Variants in CALN1 observed in about 807,000 individuals in gnomAD.
The protein encoded by CALN1 is calcium-binding protein 8.
Under a neutral mutation model 30.6 loss-of-function variants are expected in CALN1, and 17 were observed. The observed-to-expected ratio is 0.56, with a 90% CI of 0.38 to 0.83. The LOEUF (loss-of-function observed/expected upper bound fraction) is 0.83. CALN1 is among the 40% of genes least tolerant of loss of function. The pLI is 0.00. For synonymous variants in CALN1, 156 were observed against 131.4 expected (o/e 1.19, Z -1.28); for missense variants, 291 against 354.9 (o/e 0.82, Z 1.45).
chr7:72,119,668 C>A (rs1393495448), intron 3 of CALN1, among the ~76,000 whole-genome samples: 1 of 152,050 alleles, frequency 6.6e-6, no homozygotes, highest in Admixed American at 6.6e-5. Flanking sequence ...GCCTTACAGT[C>A]ATGGTGGAAG....
At chr7:72,201,659 G>A (rs1329809596) in intron 3 of CALN1, among the ~76,000 whole-genome samples, 1 of 147,372 alleles carries the variant, frequency 6.8e-6, no homozygotes, top group African/African-American at 2.5e-5. Flanking sequence ...CTGGGTGACA[G>A]ATCAATTGTA....
chr7:71,831,336 CG>C (rs1180961505), intron 5 of CALN1, among the ~76,000 whole-genome samples: 1 of 151,948 alleles, frequency 6.6e-6, no homozygotes, highest in East Asian at 1.9e-4. Flanking sequence ...AAAAATTAGC[CG>C]GGTGCAGTGG....
chr7:72,066,975 G>A (rs1804066411), intron 4 of CALN1, among the ~76,000 whole-genome samples: 1 of 150,678 alleles, frequency 6.6e-6, no homozygotes, highest in Admixed American at 6.6e-5. Context: ...TTTTAGTAGA[G>A]ATGGGGTTTT....
intron 3 of CALN1, among the ~76,000 whole-genome samples, chr7:72,257,196 G>C (rs997921714): frequency 1.3e-5 from 2 of 152,176 alleles, no homozygotes; most frequent in Non-Finnish European, 2.9e-5. Flanking sequence ...TCACTACCAT[G>C]AGAACAGCAT....
Position 72,278,827 on chromosome 7 carries a change from AG to A in CALN1, c.120-18del. 6 of 1,594,654 alleles carry A rather than the reference AG, an allele frequency of 3.8e-6. No individual in the cohort carries two copies. Among genetic ancestry groups the A allele is most frequent in the Non-Finnish European group, 5.2e-6 (6 of 1,163,682 alleles). On this transcript the variant is annotated intron_variant, in intron 2 of 6. Transcript: ENST00000395275. ...ATCTTTTCCCTGCCCAAGAGAGAAC[AG>A]GGGAGGGGAAAAGAAAGACATCATC...
At chr7:71,927,304 G>A (rs1795319048) in intron 5 of CALN1, among the ~76,000 whole-genome samples, 1 of 152,056 alleles carries the variant, frequency 6.6e-6, no homozygotes, top group Admixed American at 6.6e-5. Context: ...CTGCCTCCTG[G>A]ACTCAAGTGA....
intron 2 of CALN1, among the ~76,000 whole-genome samples, chr7:72,348,032 G>A (rs915367880): frequency 1.3e-5 from 2 of 152,118 alleles, no homozygotes; most frequent in Non-Finnish European, 1.5e-5. Context: ...TTGGGAGGCT[G>A]AGGCAAGAAA....
chr7:72,160,001 C>A (rs1050685362), intron 3 of CALN1, among the ~76,000 whole-genome samples: 1 of 152,078 alleles, frequency 6.6e-6, no homozygotes, highest in Non-Finnish European at 1.5e-5. Context: ...GGTTCCCTTG[C>A]GACTTCCAAA....
chr7:72,107,721 C>T (rs945954613), intron 3 of CALN1, among the ~76,000 whole-genome samples: 4 of 152,190 alleles, frequency 2.6e-5, no homozygotes, highest in Non-Finnish European at 5.9e-5. Context: ...ATGTCAGCTG[C>T]CATTATTCAC....
At chr7:71,894,296 C>T (rs1016618850) in intron 5 of CALN1, among the ~76,000 whole-genome samples, 1 of 152,118 alleles carries the variant, frequency 6.6e-6, no homozygotes, top group Non-Finnish European at 1.5e-5. Context: ...TTCCTTCTAT[C>T]CCCACTCAAC....
chr7:72,322,751 G>A lies in CALN1; in HGVS notation c.120-43941C>T, dbSNP rs550236099. ...ATGAATAATACCCTAGTACTTGCTA[G>A]GACAACAGGGTAACTATAGTCAAAA... is the stretch of plus-strand genomic sequence containing the variant. On this transcript the variant is annotated intron_variant, in intron 2 of 6. Transcript: ENST00000395275. 3.9e-5 allele frequency among the ~76,000 whole-genome samples: 6 copies of A among 151,960 alleles called. No individual in the cohort carries two copies. In the South Asian group the frequency reaches 1.0e-3, roughly 26 times the overall value.
At chr7:72,115,627 C>G (rs1000825068) in intron 3 of CALN1, among the ~76,000 whole-genome samples, 1 of 150,464 alleles carries the variant, frequency 6.6e-6, no homozygotes, top group Admixed American at 6.7e-5. Flanking sequence ...TAGCTGGGAT[C>G]ACAGGTATGT....
At chr7:72,278,031 C>A (rs1238617562) in intron 3 of CALN1, among the ~76,000 whole-genome samples, 1 of 119,700 alleles carries the variant, frequency 8.4e-6, no homozygotes. Flanking sequence ...CTTGTTTTTC[C>A]TATTTTTAAT....
the CALN1 span, among the ~76,000 whole-genome samples, chr7:72,497,909 T>C: frequency 2.0e-5 from 3 of 152,170 alleles, no homozygotes. Context: ...AACTATACAT[T>C]AAAGTTTTAC....
chr7:72,369,565 T>C (rs1255171583), intron 2 of CALN1, among the ~76,000 whole-genome samples: 1 of 152,058 alleles, frequency 6.6e-6, no homozygotes, highest in East Asian at 1.9e-4. Flanking sequence ...TTCTCCATGT[T>C]GGTCAGGCTT....
chr7:72,220,748 G>C (rs561553823), intron 3 of CALN1, among the ~76,000 whole-genome samples: 2 of 152,266 alleles, frequency 1.3e-5, no homozygotes, highest in Admixed American at 6.5e-5. Context: ...ACTGGTGTGA[G>C]ATGGCATCTC....
intron 5 of CALN1, among the ~76,000 whole-genome samples, chr7:71,879,709 G>A (rs879646395): frequency 3.3e-5 from 5 of 152,094 alleles, no homozygotes; most frequent in Non-Finnish European, 7.3e-5. Context: ...TAAAGCAAAG[G>A]GCAAGAGGGT....
intron 3 of CALN1, among the ~76,000 whole-genome samples, chr7:72,174,565 C>T (rs1282159701): frequency 6.6e-6 from 1 of 152,064 alleles, no homozygotes; most frequent in Non-Finnish European, 1.5e-5. Flanking sequence ...TAGAATATCA[C>T]CCAACAATAA....
the CALN1 span, among the ~76,000 whole-genome samples, chr7:72,487,924 A>AGGAAGGAAGGAAG: frequency 1.2e-5 from 1 of 85,010 alleles, no homozygotes; most frequent in African/African-American, 5.7e-5. Context: ...GAAAGAAGGA[A>AGGAAGGAAGGAAG]GGAAGGAAGG....
Sources: allele counts gnomAD v4.1 joint callset (sites outside exome capture counted in the v4.1 genomes callset), GRCh38; gene constraint gnomAD v4.1.1; transcripts MANE v1.5; gene names NCBI Gene and HGNC (gene_info 2026-07-23, HGNC 2026-07-21).